Variants in TNNI3K observed in about 807,000 individuals in gnomAD.
The protein encoded by TNNI3K is TNNI3 interacting kinase, also known as serine/threonine-protein kinase TNNI3K.
Under a neutral mutation model 114.5 loss-of-function variants are expected in TNNI3K, and 140 were observed. The ratio of observed to expected loss-of-function variants is 1.22; its 90% CI spans 1.07 to 1.41. The LOEUF (loss-of-function observed/expected upper bound fraction) is 1.41, where lower values mean the gene tolerates loss of function less well. Ranked by LOEUF, TNNI3K falls within the 40% of genes most tolerant of loss-of-function variation. The pLI is 0.00. For synonymous variants in TNNI3K, 347 were observed against 347.5 expected (o/e 1.00, Z 0.02); for missense variants, 1,125 against 1,007.6 (o/e 1.12, Z -1.58).
chr1:74,492,945 CT>C (rs887158552), intron 23 of TNNI3K, among the ~76,000 whole-genome samples: 2 of 152,156 alleles, frequency 1.3e-5, no homozygotes, highest in African/African-American at 4.8e-5. Flanking sequence ...AGAAATCCAC[CT>C]TTTTTTCTCT....
At chr1:74,266,725 T>G (rs1656015768) in intron 4 of TNNI3K, among the ~76,000 whole-genome samples, 1 of 152,022 alleles carries the variant, frequency 6.6e-6, no homozygotes, top group South Asian at 2.1e-4. Context: ...GTTGCTTATC[T>G]TGGCTTTATC....
chr1:74,315,821 T>C (rs1041833387), intron 5 of TNNI3K, among the ~76,000 whole-genome samples: 4 of 152,248 alleles, frequency 2.6e-5, no homozygotes, highest in African/African-American at 9.6e-5. Flanking sequence ...TTCTTTTGTG[T>C]TCTACATATT....
At chr1:74,385,769 A>C (rs1280576899) in intron 17 of TNNI3K, among the ~76,000 whole-genome samples, 1 of 152,216 alleles carries the variant, frequency 6.6e-6, no homozygotes, top group Non-Finnish European at 1.5e-5. Flanking sequence ...CTGTGCACTT[A>C]CTTTCTATTC....
At chr1:74,388,371 A>T (rs1216567958) in intron 17 of TNNI3K, among the ~76,000 whole-genome samples, 1 of 152,216 alleles carries the variant, frequency 6.6e-6, no homozygotes, top group Non-Finnish European at 1.5e-5. Context: ...TGTTTACATT[A>T]ATCATCTCGA....
At chr1:74,343,903 T>C (rs1660871307) in intron 9 of TNNI3K, among the ~76,000 whole-genome samples, 1 of 152,242 alleles carries the variant, frequency 6.6e-6, no homozygotes, top group Non-Finnish European at 1.5e-5. Context: ...AAGGCTTTCA[T>C]TTTTAATGAG....
At chr1:74,299,824 T>C (rs552249021) in intron 5 of TNNI3K, among the ~76,000 whole-genome samples, 2 of 152,240 alleles carry the variant, frequency 1.3e-5, no homozygotes, top group African/African-American at 4.8e-5. Flanking sequence ...GTGGCTCTTT[T>C]ATGAAGATAT....
intron 23 of TNNI3K, among the ~76,000 whole-genome samples, chr1:74,531,480 G>A (rs1046565912): frequency 6.6e-6 from 1 of 152,156 alleles, no homozygotes; most frequent in Non-Finnish European, 1.5e-5. Flanking sequence ...AAGAGGAAAG[G>A]TGGGCTGCAT....
At chr1:74,276,275 A>G (rs1656676672) in intron 5 of TNNI3K, among the ~76,000 whole-genome samples, 1 of 152,076 alleles carries the variant, frequency 6.6e-6, no homozygotes, top group Non-Finnish European at 1.5e-5. Flanking sequence ...ATAGAGAGGT[A>G]ATATTTAAAA....
intron 9 of TNNI3K, among the ~76,000 whole-genome samples, chr1:74,352,773 CG>C (rs1661432577): frequency 1.3e-5 from 2 of 152,180 alleles, no homozygotes; most frequent in Non-Finnish European, 2.9e-5. Context: ...AAGCCAGGTG[CG>C]GGATGTAATC....
At chr1:74,425,672 A>T (rs78312095) in intron 17 of TNNI3K, among the ~76,000 whole-genome samples, 1 of 152,108 alleles carries the variant, frequency 6.6e-6, no homozygotes, top group Non-Finnish European at 1.5e-5. Flanking sequence ...GGAAACAAAT[A>T]CTATGAAAGC....
In TNNI3K at chr1:74,323,580, C is replaced by T. The variant is rs1396874798; in HGVS notation, c.445-7870C>T. ...TGGGAAATAGGGAAAAGATACAAAA[C>T]AGGACTATCAGTTGCCAAAGAAGGT... On this transcript the variant is annotated intron_variant, in intron 5 of 24. Coordinates refer to ENST00000326637, the MANE Select transcript of TNNI3K (RefSeq NM_015978.3). Among the ~76,000 whole-genome samples the T allele has an allele frequency of 2.0e-5, 3 of 151,992 alleles. No individual in the cohort carries two copies. In the South Asian group the frequency reaches 6.2e-4, roughly 31 times the overall value.
At chr1:74,480,653 CG>C (rs1557595100) in intron 21 of TNNI3K, 7 of 717,256 alleles carry the variant, frequency 9.8e-6, no homozygotes, top group Non-Finnish European at 1.6e-5. Flanking sequence ...CAGCTGGAGC[CG>C]GGTCAGGCCG....
At chr1:74,447,353 G>A (rs906218405) in intron 20 of TNNI3K, among the ~76,000 whole-genome samples, 1 of 149,764 alleles carries the variant, frequency 6.7e-6, no homozygotes, top group Non-Finnish European at 1.5e-5. Context: ...GTCTGTTGTT[G>A]GTGTATAAGA....
At chr1:74,289,484 G>C in intron 5 of TNNI3K, among the ~76,000 whole-genome samples, 1 of 65,258 alleles carries the variant, frequency 1.5e-5, no homozygotes, top group South Asian at 5.0e-4. Context: ...CCCATAGGTA[G>C]TGTCATTAGT....
rs1044281886 is a variant in TNNI3K, at chr1:74,449,412, C to G, written c.2011+9790C>G. On this transcript the variant is annotated intron_variant, in intron 20 of 24. Transcript: ENST00000326637. The stretch of plus-strand genomic sequence containing the variant: ...AATTTTGTTGATCCTTTCAAAAAAC[C>G]AGCTCCTGGATTCATTGATTTTTTG... Among the ~76,000 whole-genome samples, 5 of 151,626 alleles carry G rather than the reference C, an allele frequency of 3.3e-5. No individual in the cohort carries two copies. The East Asian group carries it at 9.7e-4, about 29-fold the overall frequency.
chr1:74,526,979 G>A (rs1175755321), intron 23 of TNNI3K, among the ~76,000 whole-genome samples: 1 of 152,184 alleles, frequency 6.6e-6, no homozygotes, highest in Non-Finnish European at 1.5e-5. Context: ...AGACCATATG[G>A]TCCACAAAGC....
chr1:74,253,174 T>C (rs185598467), intron 4 of TNNI3K, among the ~76,000 whole-genome samples: 1 of 152,136 alleles, frequency 6.6e-6, no homozygotes, highest in Non-Finnish European at 1.5e-5. Context: ...TTTACAAACG[T>C]TGAGCTAGAT....
intron 17 of TNNI3K, among the ~76,000 whole-genome samples, chr1:74,393,445 A>C (rs1663903207): frequency 6.6e-6 from 1 of 152,176 alleles, no homozygotes; most frequent in Non-Finnish European, 1.5e-5. Flanking sequence ...GGGTGGAGAA[A>C]GGGCTACTTG....
At chr1:74,317,867 C>CGGGT in intron 5 of TNNI3K, among the ~76,000 whole-genome samples, 1 of 152,320 alleles carries the variant, frequency 6.6e-6, no homozygotes, top group South Asian at 2.1e-4. Context: ...GATGGACCCG[C>CGGGT]TGATCAATGC....
Sources: gnomAD v4.1 joint callset for allele counts (sites outside exome capture counted in the v4.1 genomes callset) on GRCh38, gnomAD v4.1.1 for gene constraint, MANE v1.5 for transcripts, NCBI Gene and HGNC (gene_info 2026-07-23, HGNC 2026-07-21) for gene names.